TPD52: variants seen among roughly 807,000 people sequenced by gnomAD.
The protein encoded by TPD52 is prostate and colon associated protein.
TPD52 carries 17 observed loss-of-function variants against 31.3 expected under a neutral mutation model. The observed-to-expected ratio is 0.54, with a 90% CI of 0.37 to 0.82. The LOEUF (loss-of-function observed/expected upper bound fraction) is 0.82, where lower values mean the gene tolerates loss of function less well. Ranked by LOEUF, TPD52 falls within the 40% of genes least tolerant of loss-of-function variation. The pLI, the probability that TPD52 is intolerant of heterozygous loss-of-function variation, is 0.00. For missense variants in TPD52, 212 were observed against 240.1 expected (o/e 0.88, Z 0.77); for synonymous variants, 83 against 89.6 (o/e 0.93, Z 0.42).
chr8:80,072,031 C>T (rs1318666102), intron 1 of TPD52, among the ~76,000 whole-genome samples: 1 of 152,138 alleles, frequency 6.6e-6, no homozygotes, highest in Non-Finnish European at 1.5e-5. Context: ...GAAATGTAGG[C>T]CGGGCGCGGT....
At chr8:80,106,732 G>C (rs1807147670) in intron 1 of TPD52, among the ~76,000 whole-genome samples, 2 of 149,390 alleles carry the variant, frequency 1.3e-5, no homozygotes, top group Admixed American at 1.3e-4. Context: ...CATGAGGAAA[G>C]CCAAAATGGA....
At chr8:80,081,384 A>T (rs1815272459) in intron 1 of TPD52, among the ~76,000 whole-genome samples, 1 of 119,182 alleles carries the variant, frequency 8.4e-6, no homozygotes, top group African/African-American at 3.4e-5. Context: ...ATTTCCTTTA[A>T]CACAGTCTCT....
intron 3 of TPD52, chr8:80,053,015 G>C: frequency 3.4e-6 from 1 of 295,228 alleles, no homozygotes; most frequent in Non-Finnish European, 6.3e-6. Flanking sequence ...ACATATTTGT[G>C]GCAAGTCAAT....
intron 4 of TPD52, chr8:80,051,275 A>G (rs1241378837): frequency 7.7e-6 from 4 of 517,624 alleles, no homozygotes; most frequent in Non-Finnish European, 1.4e-5. Flanking sequence ...GAAGAACTAA[A>G]AAGACAAAGA....
intron 1 of TPD52, among the ~76,000 whole-genome samples, chr8:80,099,325 G>A (rs936625286): frequency 1.3e-5 from 2 of 152,008 alleles, no homozygotes; most frequent in African/African-American, 4.8e-5. Context: ...GTAGACAATC[G>A]CCTGACCAAC....
intron 1 of TPD52, among the ~76,000 whole-genome samples, chr8:80,149,226 T>A (rs1303825664): frequency 1.3e-5 from 2 of 152,144 alleles, no homozygotes; most frequent in African/African-American, 4.8e-5. Context: ...ATTTTTCCAA[T>A]GCTGTTCTTG....
At position 80,036,706 on chromosome 8, in the gene TPD52, A is replaced by G. The variant is rs2130315307; in HGVS notation, c.*1410T>C. 1 of 152,768 alleles carries G rather than the reference A, an allele frequency of 6.5e-6. No individual in the cohort carries two copies. 9.5% of individuals were successfully genotyped at this position (152,768 alleles called of 1,614,324 possible). ...GAATGGCAGCATGTTATTTTATAAC[A>G]ATCAACACCTGTGGCTTTTAAAATT... On this transcript the variant is annotated 3_prime_UTR_variant, in exon 8 of 8. Transcript: ENST00000518937.
At chr8:80,127,963 G>A (rs1808746895) in intron 1 of TPD52, among the ~76,000 whole-genome samples, 1 of 151,430 alleles carries the variant, frequency 6.6e-6, no homozygotes, top group African/African-American at 2.4e-5. Context: ...GTACTCTTCT[G>A]TGCTGCTTGG....
intron 1 of TPD52, among the ~76,000 whole-genome samples, chr8:80,148,270 A>C (rs938440413): frequency 2.6e-5 from 4 of 151,646 alleles, no homozygotes; most frequent in Admixed American, 2.0e-4. Flanking sequence ...CTCCTGCCTC[A>C]GCCTCCCAAG....
intron 1 of TPD52, among the ~76,000 whole-genome samples, chr8:80,152,175 C>G (rs1586403239): frequency 2.8e-5 from 1 of 36,024 alleles, no homozygotes; most frequent in Non-Finnish European, 4.7e-5. Flanking sequence ...GCCTTTCATG[C>G]CCCCCCGACC....
chr8:80,040,670 T>A (rs991344783), intron 7 of TPD52, among the ~76,000 whole-genome samples: 1 of 152,170 alleles, frequency 6.6e-6, no homozygotes, highest in African/African-American at 2.4e-5. Flanking sequence ...GTTTTCCAAT[T>A]TGCCATTTCA....
At chr8:80,147,855 C>T (rs1357978466) in intron 1 of TPD52, among the ~76,000 whole-genome samples, 1 of 149,012 alleles carries the variant, frequency 6.7e-6, no homozygotes, top group South Asian at 2.1e-4. Flanking sequence ...CACACACACA[C>T]CCCCCACACC....
Position 80,096,985 on chromosome 8 carries a change from T to C in TPD52, c.20-32392A>G, listed in dbSNP as rs192766799. ...TCTGTAGGCCAAAAACCAGACCGCC[T>C]GCACCTGCCAGGTTTTGAATGCAAA... On this transcript the variant is annotated intron_variant, in intron 1 of 7. Transcript: ENST00000518937. Among the ~76,000 whole-genome samples, 412 of 152,336 alleles carry C rather than the reference T, an allele frequency of 2.7e-3. 7 individuals are homozygous for C. The highest frequency in any genetic ancestry group is 2.5e-3 in the Non-Finnish European group (172 of 68,016).
chr8:80,137,046 C>A (rs1809484404), intron 1 of TPD52, among the ~76,000 whole-genome samples: 1 of 152,040 alleles, frequency 6.6e-6, no homozygotes, highest in Non-Finnish European at 1.5e-5. Context: ...TTAAAGTAGG[C>A]AGGCAGCAAA....
chr8:80,086,656 C>T lies in TPD52; in HGVS notation c.20-22063G>A, dbSNP rs1815802326. ...TGGGAGACCAAGGCAGGCAGATCACCTGACATCAAGAGTTCGAGACCAGCC... is the reference window on the plus strand; with the variant it reads ...TGGGAGACCAAGGCAGGCAGATCACTTGACATCAAGAGTTCGAGACCAGCC... On this transcript the variant is annotated intron_variant, in intron 1 of 7. Transcript: ENST00000518937. Among the ~76,000 whole-genome samples the T allele has an allele frequency of 2.0e-5, 3 of 151,924 alleles. No individual in the cohort carries two copies. The South Asian group carries it at 6.3e-4, about 32-fold the overall frequency.
At chr8:80,044,138 C>CA in intron 6 of TPD52, 29 bp downstream of exon 6, 1 of 1,563,106 alleles carries the variant, frequency 6.4e-7, no homozygotes, top group Non-Finnish European at 8.7e-7. Context: ...AGCATAAGAC[C>CA]AACTACATTT....
At chr8:80,055,629 C>A (rs1811795254) in intron 2 of TPD52, among the ~76,000 whole-genome samples, 1 of 152,110 alleles carries the variant, frequency 6.6e-6, no homozygotes, top group African/African-American at 2.4e-5. Context: ...AGAACATTTG[C>A]AAACTATTCA....
At chr8:80,121,509 G>A (rs776818035) in intron 1 of TPD52, among the ~76,000 whole-genome samples, 6 of 152,140 alleles carry the variant, frequency 3.9e-5, no homozygotes, top group East Asian at 1.9e-4. Context: ...CATGAATACC[G>A]TACAGCAAAC....
intron 5 of TPD52, among the ~76,000 whole-genome samples, chr8:80,045,078 A>C (rs1810711278): frequency 6.6e-6 from 1 of 152,228 alleles, no homozygotes; most frequent in Non-Finnish European, 1.5e-5. Flanking sequence ...TATCAATGAA[A>C]TATTTAAACA....
Sources: allele counts gnomAD v4.1 joint callset (sites outside exome capture counted in the v4.1 genomes callset), GRCh38; gene constraint gnomAD v4.1.1; transcripts MANE v1.5; gene names NCBI Gene and HGNC (gene_info 2026-07-23, HGNC 2026-07-21).